Variants in STXBP5 observed in about 807,000 individuals in gnomAD.
STXBP5 encodes syntaxin binding protein 5.
STXBP5 carries 50 observed loss-of-function variants against 152.4 expected under a neutral mutation model. That is an observed-to-expected ratio of 0.33 (90% confidence interval 0.26 to 0.42). STXBP5 has a LOEUF of 0.42. Among genes scored for constraint, STXBP5 ranks in the 10% least tolerant of loss-of-function variants. The probability of loss-of-function intolerance (pLI) is 1.00; values close to 1 mark genes in which losing one functional copy is unlikely to be tolerated. For missense variants in STXBP5, 1,167 were observed against 1,388.6 expected (o/e 0.84, Z 2.54); for synonymous variants, 492 against 494.7 (o/e 0.99, Z 0.07).
intron 9 of STXBP5, among the ~76,000 whole-genome samples, chr6:147,306,382 G>T (rs1782092068): frequency 1.3e-5 from 2 of 152,204 alleles, no homozygotes; most frequent in South Asian, 2.1e-4. Flanking sequence ...CTGCCAGGGT[G>T]GCTGGGCTGG....
chr6:147,209,159 G>C (rs1052412101), intron 2 of STXBP5, among the ~76,000 whole-genome samples: 2 of 151,936 alleles, frequency 1.3e-5, no homozygotes, highest in African/African-American at 4.8e-5. Context: ...TTATATATAT[G>C]AATATTTCAA....
chr6:147,226,798 C>T (rs1040129226), intron 2 of STXBP5, among the ~76,000 whole-genome samples: 2 of 152,066 alleles, frequency 1.3e-5, no homozygotes, highest in African/African-American at 4.8e-5. Context: ...GATTTGTACC[C>T]TCAGTGCCTA....
At chr6:147,219,585 A>G (rs1384781879) in intron 2 of STXBP5, among the ~76,000 whole-genome samples, 2 of 152,038 alleles carry the variant, frequency 1.3e-5, no homozygotes, top group African/African-American at 4.8e-5. Context: ...GCCTATTCAG[A>G]TTGTTTCTTC....
At chr6:147,241,008 G>C (rs1028035827) in intron 4 of STXBP5, among the ~76,000 whole-genome samples, 8 of 152,120 alleles carry the variant, frequency 5.3e-5, no homozygotes, top group African/African-American at 1.9e-4. Context: ...GTAGTCTTAG[G>C]TCTGTCTCTC....
chr6:147,262,040 G>A (rs1414672624), intron 5 of STXBP5, among the ~76,000 whole-genome samples: 1 of 151,794 alleles, frequency 6.6e-6, no homozygotes, highest in African/African-American at 2.4e-5. Flanking sequence ...TGACTAAATT[G>A]AAGATTCTTT....
chr6:147,310,369 C>G lies in STXBP5; in HGVS notation c.1072+131C>G, dbSNP rs536255461. The G allele has an allele frequency of 5.5e-5, 35 of 635,024 alleles. No individual in the cohort carries two copies. In the African/African-American group the frequency reaches 6.1e-4, roughly 11 times the overall value. 39.3% of individuals were successfully genotyped at this position (635,024 alleles called of 1,614,324 possible). On this transcript the variant is annotated intron_variant, in intron 10 of 27. Transcript: ENST00000321680. The stretch of plus-strand genomic sequence containing the variant: ...TCTTCTGGAGAAGAGCTGCTGCATT[C>G]ATAATCTACAAACTTTATTTCAGAA...
At chr6:147,220,996 A>G (rs1777429786) in intron 2 of STXBP5, among the ~76,000 whole-genome samples, 1 of 151,950 alleles carries the variant, frequency 6.6e-6, no homozygotes, top group Non-Finnish European at 1.5e-5. Flanking sequence ...ACCATTTTAT[A>G]TGGTTCCACA....
chr6:147,382,974 G>A lies in STXBP5; in HGVS notation c.3390G>A (p.Glu1130=). Residue 1130 remains glutamate (E), a synonymous_variant, in exon 27 of 28, where the codon GAG becomes GAA. Coordinates refer to ENST00000321680, the MANE Select transcript of STXBP5 (RefSeq NM_001127715.4). ...ERTAAMLSSA[E]SFSKHAHEIM... ...CTGCGGCCATGTTATCAAGTGCAGA[G>A]TCATTTTCTAAACATGCTCATGAGG... The A allele has an allele frequency of 6.2e-7, 1 of 1,613,360 alleles. No homozygotes were observed. Among genetic ancestry groups the A allele is most frequent in the Non-Finnish European group, 8.5e-7 (1 of 1,179,590 alleles).
chr6:147,218,820 A>T (rs1421617715), intron 2 of STXBP5, among the ~76,000 whole-genome samples: 1 of 152,344 alleles, frequency 6.6e-6, no homozygotes, highest in South Asian at 2.1e-4. Context: ...CCACCTTGCT[A>T]TAATCACATA....
intron 9 of STXBP5, among the ~76,000 whole-genome samples, chr6:147,297,439 C>T (rs1026433551): frequency 1.3e-5 from 2 of 152,092 alleles, no homozygotes; most frequent in Non-Finnish European, 2.9e-5. Flanking sequence ...ATTGGCCTAA[C>T]AAGAAATGAT....
intron 23 of STXBP5, among the ~76,000 whole-genome samples, chr6:147,362,017 A>G (rs1785087521): frequency 6.6e-6 from 1 of 152,208 alleles, no homozygotes; most frequent in Non-Finnish European, 1.5e-5. Flanking sequence ...AAAATATAGG[A>G]TGCCCAGTCA....
chr6:147,218,736 T>G (rs1318593713), intron 2 of STXBP5, among the ~76,000 whole-genome samples: 1 of 152,200 alleles, frequency 6.6e-6, no homozygotes, highest in African/African-American at 2.4e-5. Context: ...CATCCCAAAG[T>G]GCTGGGGTTT....
At chr6:147,247,412 A>G (rs770206717) in intron 4 of STXBP5, among the ~76,000 whole-genome samples, 10 of 152,214 alleles carry the variant, frequency 6.6e-5, no homozygotes, top group Non-Finnish European at 1.3e-4. Context: ...ATTCTGATCT[A>G]CAAAGACAAC....
intron 3 of STXBP5, among the ~76,000 whole-genome samples, chr6:147,238,651 GT>G (rs1318023148): frequency 6.6e-6 from 1 of 152,072 alleles, no homozygotes; most frequent in Non-Finnish European, 1.5e-5. Context: ...TTCTAAATTA[GT>G]CAGATTTCAA....
At chr6:147,226,086 A>T (rs1277167919) in intron 2 of STXBP5, among the ~76,000 whole-genome samples, 1 of 152,160 alleles carries the variant, frequency 6.6e-6, no homozygotes, top group Non-Finnish European at 1.5e-5. Context: ...GCTTGACTCC[A>T]GAAGTTCAAG....
At position 147,382,710 on chromosome 6, in the gene STXBP5, T is replaced by C. The variant is rs115106193; in HGVS notation, c.3194-68T>C. 1.5e-3 allele frequency: 2,319 copies of C among 1,512,694 alleles called. 34 individuals are homozygous for C. In the African/African-American group the frequency reaches 0.029, roughly 19 times the overall value. The allele number at this position is 1,512,694 out of a possible 1,614,324, so 93.7% of individuals were successfully genotyped here. A position where few individuals can be genotyped will look rare whatever the true frequency, so the allele number is the denominator to read the frequency against. ...TCAATCCAAAAATTGTATTTTAATG[T>C]AGTAGGATTTTATATTAGTAAAATG... On this transcript the variant is annotated intron_variant, in intron 26 of 27. Coordinates refer to ENST00000321680, the MANE Select transcript of STXBP5 (RefSeq NM_001127715.4).
At chr6:147,307,099 T>G (rs1400119840) in intron 9 of STXBP5, among the ~76,000 whole-genome samples, 3 of 152,196 alleles carry the variant, frequency 2.0e-5, no homozygotes, top group African/African-American at 7.2e-5. Flanking sequence ...TATGGAAACA[T>G]AGCTTCAGCT....
chr6:147,247,397 A>G (rs1030488035), intron 4 of STXBP5, among the ~76,000 whole-genome samples: 1 of 152,202 alleles, frequency 6.6e-6, no homozygotes, highest in South Asian at 2.1e-4. Flanking sequence ...GCTACTCTGG[A>G]CCTAATTCTG....
At chr6:147,207,460 A>G (rs969511111) in intron 2 of STXBP5, among the ~76,000 whole-genome samples, 2 of 152,172 alleles carry the variant, frequency 1.3e-5, no homozygotes, top group Non-Finnish European at 2.9e-5. Flanking sequence ...TTGCCCAAAT[A>G]TCTAGATAGT....
Sources: gnomAD v4.1 joint callset for allele counts (sites outside exome capture counted in the v4.1 genomes callset) on GRCh38, gnomAD v4.1.1 for gene constraint, MANE v1.5 for transcripts, NCBI Gene and HGNC (gene_info 2026-07-23, HGNC 2026-07-21) for gene names.